The following TNNI3K variants were observed in gnomAD, a reference collection of about 807,000 sequenced individuals.
TNNI3K encodes TNNI3 interacting kinase, also known as serine/threonine-protein kinase TNNI3K.
TNNI3K carries 140 observed loss-of-function variants against 114.5 expected under a neutral mutation model. The ratio of observed to expected loss-of-function variants is 1.22; its 90% CI spans 1.07 to 1.41. The LOEUF is 1.41. TNNI3K is among the 40% of genes most tolerant of loss of function. The pLI, the probability that TNNI3K is intolerant of heterozygous loss-of-function variation, is 0.00. For synonymous variants in TNNI3K, 347 were observed against 347.5 expected (o/e 1.00, Z 0.02); for missense variants, 1,125 against 1,007.6 (o/e 1.12, Z -1.58).
At chr1:74,452,010 A>G (rs1220084740) in intron 20 of TNNI3K, among the ~76,000 whole-genome samples, 1 of 152,030 alleles carries the variant, frequency 6.6e-6, no homozygotes, top group African/African-American at 2.4e-5. Context: ...TTTTAAAAAC[A>G]TAAACCTGAT....
At chr1:74,430,105 A>G (rs1226116289) in intron 17 of TNNI3K, among the ~76,000 whole-genome samples, 1 of 152,112 alleles carries the variant, frequency 6.6e-6, no homozygotes, top group African/African-American at 2.4e-5. Flanking sequence ...TGAAAGTAGC[A>G]AGTCACCTTG....
chr1:74,449,248 CG>C (rs1054269675), intron 20 of TNNI3K, among the ~76,000 whole-genome samples: 1 of 151,720 alleles, frequency 6.6e-6, no homozygotes. Context: ...AGTTTATTTG[CG>C]TAGAGGTGTT....
Position 74,236,193 on chromosome 1 carries a change from A to C in TNNI3K, c.132A>C (p.Glu44Asp). ...AGATCAAGGAAAAAGAACTGACAGA[A>C]CTAAGGAATATATTTGGGTAAAGTT... Reference protein sequence around the residue: ...DLQIKEKELTELRNIFGSDEA... With the variant: ...DLQIKEKELTDLRNIFGSDEA... The change falls in exon 2 of 25, where the codon GAA (glutamate) becomes GAC (aspartate). Residue 44 changes from glutamate to aspartate, a missense_variant. Glu to Asp is a conservative substitution (Grantham distance 45). Coordinates refer to ENST00000326637, the MANE Select transcript of TNNI3K (RefSeq NM_015978.3). 1.2e-6 allele frequency: 2 copies of C among 1,606,330 alleles called. No individual in the cohort carries two copies. Among genetic ancestry groups the C allele is most frequent in the Non-Finnish European group, 1.7e-6 (2 of 1,174,836 alleles).
intron 20 of TNNI3K, among the ~76,000 whole-genome samples, chr1:74,450,811 G>T (rs1234243605): frequency 6.6e-6 from 1 of 152,094 alleles, no homozygotes; most frequent in Non-Finnish European, 1.5e-5. Context: ...TATGTAAATT[G>T]GTTCAACCAT....
At chr1:74,242,039 CG>C (rs1654263021) in intron 2 of TNNI3K, among the ~76,000 whole-genome samples, 1 of 151,698 alleles carries the variant, frequency 6.6e-6, no homozygotes, top group African/African-American at 2.4e-5. Context: ...TTAGTAGAGA[CG>C]GGGTTTCACT....
chr1:74,365,709 G>A (rs1281343955), intron 11 of TNNI3K, among the ~76,000 whole-genome samples: 1 of 151,942 alleles, frequency 6.6e-6, no homozygotes, highest in Non-Finnish European at 1.5e-5. Context: ...TTAGTTTGTT[G>A]GCTAATGTCC....
chr1:74,267,512 C>G (rs570142081), intron 4 of TNNI3K, among the ~76,000 whole-genome samples: 45 of 151,968 alleles, frequency 3.0e-4, no homozygotes, highest in African/African-American at 1.1e-3. Flanking sequence ...ATTCTTTGAG[C>G]CTGAGTGACA....
chr1:74,493,750 T>C (rs1033630668), intron 23 of TNNI3K, among the ~76,000 whole-genome samples: 1 of 152,190 alleles, frequency 6.6e-6, no homozygotes, highest in South Asian at 2.1e-4. Flanking sequence ...ACCTGGGGTA[T>C]ATTCTTCTCA....
intron 13 of TNNI3K, 130 bp from the exon 14 acceptor site, chr1:74,368,892 C>A: frequency 1.3e-6 from 1 of 792,264 alleles, no homozygotes; most frequent in Non-Finnish European, 1.9e-6. Flanking sequence ...TAGTCAATTA[C>A]AGTTGGAAAA....
intron 23 of TNNI3K, among the ~76,000 whole-genome samples, chr1:74,510,221 C>A (rs1274285115): frequency 1.3e-5 from 2 of 152,118 alleles, no homozygotes; most frequent in African/African-American, 4.8e-5. Flanking sequence ...TTAAAAAGAT[C>A]TGAGGCCAGG....
intron 13 of TNNI3K, 128 bp downstream of exon 13, chr1:74,368,092 A>G (rs1570531491): frequency 1.4e-5 from 12 of 866,852 alleles, no homozygotes; most frequent in Non-Finnish European, 2.0e-5. Flanking sequence ...AATATTATTG[A>G]CAGACCGTTC....
chr1:74,365,599 C>T (rs1032723341), intron 11 of TNNI3K, among the ~76,000 whole-genome samples: 2 of 152,116 alleles, frequency 1.3e-5, no homozygotes, highest in Admixed American at 6.6e-5. Context: ...TGTGTAGCCA[C>T]ACTGGCCTTT....
intron 11 of TNNI3K, among the ~76,000 whole-genome samples, chr1:74,363,657 A>G (rs1402203555): frequency 6.6e-6 from 1 of 151,988 alleles, no homozygotes; most frequent in Non-Finnish European, 1.5e-5. Context: ...TGTCAATTCT[A>G]TATAGGGGCT....
At chr1:74,293,370 G>C (rs1464460393) in intron 5 of TNNI3K, among the ~76,000 whole-genome samples, 1 of 151,630 alleles carries the variant, frequency 6.6e-6, no homozygotes, top group African/African-American at 2.4e-5. Context: ...GCTTTACAAT[G>C]AGTTTTGACA....
intron 23 of TNNI3K, among the ~76,000 whole-genome samples, chr1:74,519,960 T>C (rs1488842527): frequency 6.6e-6 from 1 of 152,162 alleles, no homozygotes; most frequent in Non-Finnish European, 1.5e-5. Flanking sequence ...CTTTGGATAC[T>C]GCCATTTTCT....
chr1:74,394,072 CG>C (rs1557540509), intron 17 of TNNI3K, among the ~76,000 whole-genome samples: 1 of 152,086 alleles, frequency 6.6e-6, no homozygotes, highest in African/African-American at 2.4e-5. Flanking sequence ...TAGGGTAAAC[CG>C]TATGAAACTG....
In TNNI3K at chr1:74,309,094, C is replaced by T. The variant is rs531315887; in HGVS notation, c.445-22356C>T. 1.1e-3 allele frequency among the ~76,000 whole-genome samples: 174 copies of T among 152,156 alleles called. 1 individual carries two copies. Among genetic ancestry groups the T allele is most frequent in the African/African-American group, 3.7e-3 (155 of 41,514 alleles). On this transcript the variant is annotated intron_variant, in intron 5 of 24. Transcript: ENST00000326637. The stretch of plus-strand genomic sequence containing the variant: ...GTGTAAAAAGAAGAGATAGGCCGGG[C>T]GCGGTGGCTCACGCCTGTAATCCCA...
chr1:74,449,508 C>G (rs997601947), intron 20 of TNNI3K, among the ~76,000 whole-genome samples: 5 of 151,878 alleles, frequency 3.3e-5, no homozygotes, highest in African/African-American at 1.2e-4. Flanking sequence ...TTCAGGAAAC[C>G]CATCTCACGT....
At chr1:74,480,716 A>T in intron 21 of TNNI3K, 2 of 717,488 alleles carry the variant, frequency 2.8e-6, no homozygotes. Context: ...ATTATTGCTC[A>T]GCACCAGTAC....
Sources: gnomAD v4.1 joint callset for allele counts (sites outside exome capture counted in the v4.1 genomes callset) on GRCh38, gnomAD v4.1.1 for gene constraint, MANE v1.5 for transcripts, NCBI Gene and HGNC (gene_info 2026-07-23, HGNC 2026-07-21) for gene names.